Variants in MTUS2 observed in about 807,000 individuals in gnomAD.
MTUS2 encodes the protein microtubule associated scaffold protein 2.
In MTUS2, 40 loss-of-function variants were observed where a neutral mutation model predicts 114.1. That is an observed-to-expected ratio of 0.35 (90% CI 0.27 to 0.46). The LOEUF is 0.46. Ranked by LOEUF, MTUS2 falls within the 20% of genes least tolerant of loss-of-function variation. The pLI, the probability that MTUS2 is intolerant of heterozygous loss-of-function variation, is 1.00. For missense variants in MTUS2, 1,679 were observed against 1,705.4 expected (o/e 0.98, Z 0.27); for synonymous variants, 688 against 672.0 (o/e 1.02, Z -0.37).
intron 9 of MTUS2, among the ~76,000 whole-genome samples, chr13:29,446,730 A>G (rs1183242222): frequency 6.6e-6 from 1 of 152,196 alleles, no homozygotes; most frequent in Non-Finnish European, 1.5e-5. Flanking sequence ...GTAAATCAAG[A>G]TTATGGTGGA....
At chr13:29,043,857 A>T (rs1281902345) in intron 4 of MTUS2, among the ~76,000 whole-genome samples, 1 of 151,934 alleles carries the variant, frequency 6.6e-6, no homozygotes, top group East Asian at 1.9e-4. Flanking sequence ...ATCACTTTGT[A>T]TATGGTGTAA....
Position 29,051,251 on chromosome 13 carries a change from G to A in MTUS2, c.2446+17126G>A, listed in dbSNP as rs554696500. Among the ~76,000 whole-genome samples, 13 of 152,216 alleles carry A rather than the reference G, an allele frequency of 8.5e-5. 1 individual carries two copies. The East Asian group carries it at 1.2e-3, about 14-fold the overall frequency. On this transcript the variant is annotated intron_variant, in intron 4 of 15. Transcript: ENST00000612955. ...GCCAATAGGATTGGACTCTGAGCAC[G>A]GGTGATGGGGAAACAGAGGAACCAA...
intron 7 of MTUS2, among the ~76,000 whole-genome samples, chr13:29,340,194 G>A (rs1454454784): frequency 6.6e-6 from 1 of 152,178 alleles, no homozygotes; most frequent in Non-Finnish European, 1.5e-5. Flanking sequence ...TGATCTGGGG[G>A]ACGAGGGAAG....
At chr13:29,019,927 A>T (rs1462529909) in intron 2 of MTUS2, among the ~76,000 whole-genome samples, 1 of 152,208 alleles carries the variant, frequency 6.6e-6, no homozygotes, top group African/African-American at 2.4e-5. Context: ...TTTGACAAGG[A>T]GTAGAATAGG....
At chr13:29,276,131 C>A (rs762140626) in intron 5 of MTUS2, among the ~76,000 whole-genome samples, 1 of 152,124 alleles carries the variant, frequency 6.6e-6, no homozygotes, top group Non-Finnish European at 1.5e-5. Flanking sequence ...TTGATCAGCT[C>A]AGGGTGTCCA....
chr13:29,015,118 C>T (rs968291553), intron 2 of MTUS2, among the ~76,000 whole-genome samples: 8 of 152,090 alleles, frequency 5.3e-5, no homozygotes, highest in Non-Finnish European at 1.2e-4. Flanking sequence ...CATTGGTTGC[C>T]GTGGGTTGGA....
intron 2 of MTUS2, among the ~76,000 whole-genome samples, chr13:28,982,543 C>T (rs547909348): frequency 9.2e-5 from 14 of 152,234 alleles, no homozygotes; most frequent in African/African-American, 3.4e-4. Context: ...GCAGTGAAAG[C>T]AGGGACCGAA....
At chr13:29,303,875 G>A (rs943834992) in intron 6 of MTUS2, among the ~76,000 whole-genome samples, 2 of 152,058 alleles carry the variant, frequency 1.3e-5, no homozygotes, top group African/African-American at 4.8e-5. Flanking sequence ...AAATGTTAAG[G>A]GCAGCCAGAG....
chr13:29,214,246 T>C (rs1331244984), intron 5 of MTUS2, among the ~76,000 whole-genome samples: 1 of 152,110 alleles, frequency 6.6e-6, no homozygotes, highest in African/African-American at 2.4e-5. Context: ...TGAGCCTATG[T>C]GTGTCTTTGC....
chr13:29,027,751 C>CCGTGGT, intron 3 of MTUS2, among the ~76,000 whole-genome samples: 1 of 152,076 alleles, frequency 6.6e-6, no homozygotes, highest in South Asian at 2.1e-4. Context: ...TGGGGTTTCA[C>CCGTGGT]CGTGGTCTTG....
In MTUS2 at chr13:28,840,333, A is replaced by C. The variant is rs144437555; in HGVS notation, c.-243+483A>C. On this transcript the variant is annotated intron_variant, in intron 2 of 15. Coordinates refer to ENST00000612955, the MANE Select transcript of MTUS2 (RefSeq NM_001033602.4). Reference sequence around the variant, plus strand: ...AAACAGTCCATTAAACTAAGAGCAGAAGCTTTAGTAAACAGCCAAGACCAC... The same window carrying C: ...AAACAGTCCATTAAACTAAGAGCAGCAGCTTTAGTAAACAGCCAAGACCAC... Among the ~76,000 whole-genome samples the C allele has an allele frequency of 4.6e-5, 7 of 152,308 alleles. No individual in the cohort carries two copies. The East Asian group carries it at 9.7e-4, about 21-fold the overall frequency.
intron 5 of MTUS2, among the ~76,000 whole-genome samples, chr13:29,268,820 C>T (rs1298782154): frequency 6.6e-6 from 1 of 152,172 alleles, no homozygotes; most frequent in East Asian, 1.9e-4. Flanking sequence ...GCCTCAAACT[C>T]CTAGGCTTCA....
chr13:29,031,237 G>GGTGTGTGTGTGTGTGTGT (rs59288953), intron 3 of MTUS2, among the ~76,000 whole-genome samples: 12,404 of 122,684 alleles, frequency 0.1, 870 homozygotes, highest in African/African-American at 0.16. Context: ...AGAACTAATA[G>GGTGTGTGTGTGTGTGTGT]GTGTGTGTGT....
intron 4 of MTUS2, among the ~76,000 whole-genome samples, chr13:29,049,371 G>A (rs1271998780): frequency 1.3e-5 from 2 of 152,184 alleles, no homozygotes; most frequent in Non-Finnish European, 2.9e-5. Context: ...AGCTTAGGGA[G>A]GCTGAAGTTT....
At chr13:29,464,203 C>T (rs1471609368) in intron 9 of MTUS2, among the ~76,000 whole-genome samples, 2 of 152,108 alleles carry the variant, frequency 1.3e-5, no homozygotes, top group African/African-American at 2.4e-5. Flanking sequence ...TGAGCAGGTG[C>T]CTGAGAGCAG....
intron 3 of MTUS2, among the ~76,000 whole-genome samples, chr13:29,031,660 G>A (rs1164447374): frequency 6.6e-6 from 1 of 151,884 alleles, no homozygotes; most frequent in East Asian, 1.9e-4. Flanking sequence ...AGGGTCTGCT[G>A]CTTTATTCAA....
chr13:28,929,894 A>C (rs767272295), intron 2 of MTUS2, among the ~76,000 whole-genome samples: 2 of 152,132 alleles, frequency 1.3e-5, no homozygotes, highest in African/African-American at 4.8e-5. Flanking sequence ...CAGTCTGGCA[A>C]GTGTTTTAAG....
intron 9 of MTUS2, among the ~76,000 whole-genome samples, chr13:29,476,066 C>T (rs1036389338): frequency 6.6e-6 from 1 of 152,120 alleles, no homozygotes; most frequent in Non-Finnish European, 1.5e-5. Context: ...TTAACTGTAC[C>T]TTGTTAATGT....
intron 4 of MTUS2, among the ~76,000 whole-genome samples, chr13:29,040,076 A>G (rs936521527): frequency 1.3e-5 from 2 of 152,198 alleles, no homozygotes; most frequent in Non-Finnish European, 2.9e-5. Context: ...TTATTCAAGC[A>G]GTGTACACTG....
Sources: allele counts gnomAD v4.1 joint callset (sites outside exome capture counted in the v4.1 genomes callset), GRCh38; gene constraint gnomAD v4.1.1; transcripts MANE v1.5; gene names NCBI Gene and HGNC (gene_info 2026-07-23, HGNC 2026-07-21).